Variants in DCC observed in about 807,000 individuals in gnomAD.
The protein encoded by DCC is netrin receptor DCC.
In DCC, 58 loss-of-function variants were observed where a neutral mutation model predicts 172.5. The observed-to-expected ratio is 0.34, with a 90% CI of 0.27 to 0.42. DCC has a LOEUF of 0.42. Ranked by LOEUF, DCC falls within the 10% of genes least tolerant of loss-of-function variation. The probability of loss-of-function intolerance (pLI) is 1.00; values close to 1 mark genes in which losing one functional copy is unlikely to be tolerated. For synonymous variants in DCC, 709 were observed against 644.5 expected (o/e 1.10, Z -1.52); for missense variants, 1,740 against 1,791.0 (o/e 0.97, Z 0.51).
chr18:52,664,483 T>C (rs2035426234), intron 1 of DCC, among the ~76,000 whole-genome samples: 1 of 141,974 alleles, frequency 7.0e-6, no homozygotes, highest in Non-Finnish European at 1.5e-5. Context: ...TTTCTTTTTT[T>C]TTTTTTTTTG....
At chr18:52,676,895 T>C (rs2035654770) in intron 1 of DCC, among the ~76,000 whole-genome samples, 2 of 152,212 alleles carry the variant, frequency 1.3e-5, no homozygotes, top group Non-Finnish European at 2.9e-5. Context: ...TTGAAATCAC[T>C]TGGGGGTTAT....
intron 1 of DCC, among the ~76,000 whole-genome samples, chr18:52,404,101 G>T (rs1035055540): frequency 6.6e-6 from 1 of 152,010 alleles, no homozygotes; most frequent in African/African-American, 2.4e-5. Flanking sequence ...TAGGAGGTGG[G>T]ATTCCTAAAG....
intron 13 of DCC, among the ~76,000 whole-genome samples, chr18:53,313,358 A>C (rs61219718): frequency 0.086 from 13,071 of 151,860 alleles, 1,711 homozygotes; most frequent in African/African-American, 0.28. Flanking sequence ...TGATTCTCCC[A>C]CCTCAGCCTC....
chr18:52,815,325 G>T (rs757402440), intron 2 of DCC, among the ~76,000 whole-genome samples: 1 of 152,052 alleles, frequency 6.6e-6, no homozygotes, highest in African/African-American at 2.4e-5. Flanking sequence ...GGTCATAAGA[G>T]TGGGTCCCTA....
intron 2 of DCC, among the ~76,000 whole-genome samples, chr18:52,834,060 T>C (rs1463459818): frequency 6.6e-6 from 1 of 152,082 alleles, no homozygotes; most frequent in Non-Finnish European, 1.5e-5. Flanking sequence ...AAAACAGGTC[T>C]CTCATCTGTG....
rs188460958 is a variant in DCC, at chr18:53,265,701, A to G, written c.1912-39877A>G. Among the ~76,000 whole-genome samples the G allele has an allele frequency of 2.2e-3, 329 of 152,340 alleles. 1 individual carries two copies. Among genetic ancestry groups the G allele is most frequent in the African/African-American group, 7.5e-3 (313 of 41,586 alleles). On this transcript the variant is annotated intron_variant, in intron 12 of 28. Transcript: ENST00000442544. ...GAAAAATGCCAATGCAGGATAGGAT[A>G]TGCAGATGATGCAACAGACATTCTC...
chr18:53,177,853 A>G (rs746170469), intron 8 of DCC, among the ~76,000 whole-genome samples: 21 of 152,362 alleles, frequency 1.4e-4, no homozygotes, highest in Middle Eastern at 3.4e-3. Context: ...AGTCTCTGCC[A>G]TCAGTCATAT....
intron 9 of DCC, among the ~76,000 whole-genome samples, chr18:53,181,434 A>G (rs1410902599): frequency 6.7e-6 from 1 of 150,106 alleles, no homozygotes; most frequent in African/African-American, 2.5e-5. Flanking sequence ...TTTTAACACC[A>G]ACGTTCCCAA....
chr18:52,358,094 C>T (rs964079762), intron 1 of DCC, among the ~76,000 whole-genome samples: 1 of 152,108 alleles, frequency 6.6e-6, no homozygotes. Flanking sequence ...AAATCCATAA[C>T]CCCAGTCTTA....
intron 1 of DCC, among the ~76,000 whole-genome samples, chr18:52,407,908 C>A (rs1382666381): frequency 6.6e-6 from 1 of 151,970 alleles, no homozygotes; most frequent in Non-Finnish European, 1.5e-5. Context: ...CAAAAAATTC[C>A]TTTAGTTATT....
intron 13 of DCC, among the ~76,000 whole-genome samples, chr18:53,321,481 A>G (rs1278246671): frequency 1.3e-5 from 2 of 152,188 alleles, no homozygotes; most frequent in Non-Finnish European, 2.9e-5. Flanking sequence ...CATTGTGCAC[A>G]ATATTATGCC....
intron 1 of DCC, among the ~76,000 whole-genome samples, chr18:52,389,107 C>A (rs1208431515): frequency 6.6e-6 from 1 of 152,042 alleles, no homozygotes; most frequent in African/African-American, 2.4e-5. Context: ...ACAGGGTGAG[C>A]CCACCTGAAG....
chr18:52,354,575 G>A (rs1042723432), intron 1 of DCC, among the ~76,000 whole-genome samples: 1 of 152,244 alleles, frequency 6.6e-6, no homozygotes, highest in East Asian at 1.9e-4. Flanking sequence ...GACATGATAG[G>A]ATAATGTATG....
At chr18:53,377,529 C>T (rs975927706) in intron 15 of DCC, among the ~76,000 whole-genome samples, 5 of 152,212 alleles carry the variant, frequency 3.3e-5, no homozygotes, top group African/African-American at 9.6e-5. Flanking sequence ...CCTCACAACA[C>T]TCTTGCACTG....
At chr18:53,182,953 C>T (rs2055218437) in intron 9 of DCC, among the ~76,000 whole-genome samples, 2 of 152,100 alleles carry the variant, frequency 1.3e-5, no homozygotes, top group African/African-American at 2.4e-5. Flanking sequence ...AAAACGTTTT[C>T]ATCAATATTT....
intron 1 of DCC, among the ~76,000 whole-genome samples, chr18:52,383,727 A>G (rs1443480943): frequency 6.6e-6 from 1 of 151,914 alleles, no homozygotes; most frequent in Non-Finnish European, 1.5e-5. Flanking sequence ...TCATATGATT[A>G]TTGTAATTTT....
chr18:53,527,823 G>C (rs1395557587), intron 28 of DCC, among the ~76,000 whole-genome samples: 2 of 151,990 alleles, frequency 1.3e-5, no homozygotes, highest in African/African-American at 4.8e-5. Flanking sequence ...ACATTTAAAA[G>C]AAGCCTAAGG....
chr18:53,378,479 TATAAA>T (rs1234714283), intron 15 of DCC, among the ~76,000 whole-genome samples: 3 of 152,210 alleles, frequency 2.0e-5, no homozygotes, highest in Non-Finnish European at 2.9e-5. Context: ...AGGAAAATAT[TATAAA>T]ATATCTTTGG....
chr18:53,257,557 G>A (rs575187214), intron 12 of DCC, among the ~76,000 whole-genome samples: 1 of 152,320 alleles, frequency 6.6e-6, no homozygotes, highest in African/African-American at 2.4e-5. Flanking sequence ...TCCCAGGGAT[G>A]AAGCCCACTT....
Sources: gnomAD v4.1 joint callset for allele counts (sites outside exome capture counted in the v4.1 genomes callset) on GRCh38, gnomAD v4.1.1 for gene constraint, MANE v1.5 for transcripts, NCBI Gene and HGNC (gene_info 2026-07-23, HGNC 2026-07-21) for gene names.